SLC22A4: variants seen among roughly 807,000 people sequenced by gnomAD.
SLC22A4 encodes the protein ET transporter.
SLC22A4 carries 39 observed loss-of-function variants against 56.6 expected under a neutral mutation model. The observed-to-expected ratio is 0.69, with a 90% confidence interval of 0.53 to 0.90. SLC22A4 has a LOEUF of 0.90. Among genes scored for constraint, SLC22A4 ranks in the 40% least tolerant of loss-of-function variants. SLC22A4 has a pLI of 0.00. For synonymous variants in SLC22A4, 241 were observed against 281.4 expected, an observed-to-expected ratio of 0.86 and a Z score of 1.44; for missense variants, 594 against 696.5, an observed-to-expected ratio of 0.85 and a Z score of 1.66.
chr5:132,297,509 G>A (rs1289359638), intron 1 of SLC22A4, among the ~76,000 whole-genome samples: 4 of 152,142 alleles, frequency 2.6e-5, no homozygotes, highest in Non-Finnish European at 5.9e-5. Flanking sequence ...CCACCTGGCT[G>A]ACTCCAGGCA....
chr5:132,309,387 C>A (rs1336122856), intron 1 of SLC22A4, among the ~76,000 whole-genome samples: 1 of 152,242 alleles, frequency 6.6e-6, no homozygotes, highest in Admixed American at 6.5e-5. Flanking sequence ...GCAGATGGCA[C>A]CCCTCATGGG....
chr5:132,313,939 C>T (rs1457422403), intron 3 of SLC22A4, among the ~76,000 whole-genome samples, 171 bp downstream of exon 3: 5 of 152,010 alleles, frequency 3.3e-5, no homozygotes, highest in Admixed American at 3.3e-4. Context: ...GGCAGGCACT[C>T]GCAGGGAGCC....
chr5:132,299,389 TTTTCG>T (rs1370407588), intron 1 of SLC22A4, among the ~76,000 whole-genome samples: 6 of 124,112 alleles, frequency 4.8e-5, no homozygotes, highest in Non-Finnish European at 9.8e-5. Context: ...GTCAAATTAT[TTTTCG>T]TTTTATTTTA....
intron 3 of SLC22A4, among the ~76,000 whole-genome samples, chr5:132,316,270 C>A (rs1427617182): frequency 6.6e-6 from 1 of 152,146 alleles, no homozygotes; most frequent in African/African-American, 2.4e-5. Context: ...ACAGTCGTAG[C>A]AGACTAGAAA....
chr5:132,296,182 T>C (rs1181544146), intron 1 of SLC22A4, among the ~76,000 whole-genome samples: 3 of 152,228 alleles, frequency 2.0e-5, no homozygotes, highest in Non-Finnish European at 4.4e-5. Flanking sequence ...GATATGATTT[T>C]AGCTGATTCT....
chr5:132,328,899 A>ATG (rs1491041863), intron 5 of SLC22A4, among the ~76,000 whole-genome samples: 60 of 21,996 alleles, frequency 2.7e-3, no homozygotes, highest in East Asian at 5.9e-3. Context: ...ATATGTGTGT[A>ATG]TGTGTATATA....
intron 8 of SLC22A4, among the ~76,000 whole-genome samples, chr5:132,339,364 A>G (rs765953344): frequency 8.5e-5 from 13 of 152,106 alleles, no homozygotes; most frequent in Non-Finnish European, 1.5e-4. Flanking sequence ...GGCATGTTCA[A>G]TCTGATGTAG....
At chr5:132,335,763 A>G (rs1476615350) in intron 7 of SLC22A4, 55 bp from the exon 8 acceptor site, 18 of 1,403,948 alleles carry the variant, frequency 1.3e-5, no homozygotes, top group Non-Finnish European at 1.8e-5. Flanking sequence ...AATAACTGAT[A>G]TAAGAAAGTA....
chr5:132,309,045 A>C (rs1341840148), intron 1 of SLC22A4, among the ~76,000 whole-genome samples: 1 of 152,210 alleles, frequency 6.6e-6, no homozygotes, highest in East Asian at 1.9e-4. Flanking sequence ...TGTTAACCAC[A>C]GGGAGGTTTT....
intron 3 of SLC22A4, among the ~76,000 whole-genome samples, chr5:132,315,056 A>C (rs1476825427): frequency 2.0e-5 from 3 of 152,212 alleles, no homozygotes; most frequent in Non-Finnish European, 4.4e-5. Flanking sequence ...GTGTTGTTGG[A>C]AACTGGAGGT....
chr5:132,316,754 C>G (rs1750369747), intron 3 of SLC22A4, among the ~76,000 whole-genome samples: 1 of 152,162 alleles, frequency 6.6e-6, no homozygotes, highest in Non-Finnish European at 1.5e-5. Flanking sequence ...GAAGCTCAGG[C>G]AAATTTGAAA....
At chr5:132,322,460 G>A (rs527965713) in intron 4 of SLC22A4, 105 bp downstream of exon 4, 7 of 1,140,552 alleles carry the variant, frequency 6.1e-6, no homozygotes, top group Admixed American at 1.8e-5. Context: ...TGACCTCCAC[G>A]GAACTCGCGG....
chr5:132,337,277 T>TAA (rs1561548450), intron 8 of SLC22A4, among the ~76,000 whole-genome samples: 7 of 148,490 alleles, frequency 4.7e-5, no homozygotes, highest in African/African-American at 1.8e-4. Context: ...ACCTTTTTTT[T>TAA]TTTTTTTTTT....
intron 3 of SLC22A4, among the ~76,000 whole-genome samples, chr5:132,314,119 A>C (rs1216798402): frequency 3.3e-5 from 5 of 152,222 alleles, no homozygotes; most frequent in African/African-American, 9.6e-5. Context: ...TGAGTTGTGT[A>C]GGCTTGAGAC....
chr5:132,340,527 CCTAT>C, intron 8 of SLC22A4, 34 bp from the exon 9 acceptor site: 1 of 1,605,570 alleles, frequency 6.2e-7, no homozygotes, highest in East Asian at 2.2e-5. Flanking sequence ...AGAGAGTCCT[CCTAT>C]CTGATTGATG....
chr5:132,335,841 C>G lies in SLC22A4; in HGVS notation c.1285C>G (p.Leu429Val). The G allele has an allele frequency of 1.2e-6, 2 of 1,614,022 alleles. No homozygotes were observed. The highest frequency in any genetic ancestry group is 1.7e-6 in the Non-Finnish European group (2 of 1,179,928). ...PVDYYFLSIG[L>V]VMLGKFGITS... ...AGATTATTACTTCTTATCCATTGGTCTGGTCATGCTGGGAAAATTTGGGAT... is the reference window on the plus strand; with the variant it reads ...AGATTATTACTTCTTATCCATTGGTGTGGTCATGCTGGGAAAATTTGGGAT... Residue 429 changes from leucine to valine, a missense_variant, in exon 8 of 10, where the codon CTG (leucine) becomes GTG (valine). Transcript: ENST00000200652.
intron 5 of SLC22A4, among the ~76,000 whole-genome samples, chr5:132,328,064 A>C (rs1380969010): frequency 1.3e-5 from 2 of 152,212 alleles, no homozygotes; most frequent in African/African-American, 4.8e-5. Context: ...TAAGATTGGC[A>C]AGAGGATTAG....
At chr5:132,328,608 G>T (rs1182194188) in intron 5 of SLC22A4, among the ~76,000 whole-genome samples, 1 of 151,896 alleles carries the variant, frequency 6.6e-6, no homozygotes, top group African/African-American at 2.4e-5. Context: ...CAACAACATT[G>T]GGAGTGTCTA....
At chr5:132,325,972 C>T (rs1465890484) in intron 4 of SLC22A4, among the ~76,000 whole-genome samples, 10 of 152,240 alleles carry the variant, frequency 6.6e-5, no homozygotes, top group African/African-American at 2.4e-4. Context: ...TACCCTTTCC[C>T]TAGAAATTTC....
Sources: allele counts gnomAD v4.1 joint callset (sites outside exome capture counted in the v4.1 genomes callset), GRCh38; gene constraint gnomAD v4.1.1; transcripts MANE v1.5; gene names NCBI Gene and HGNC (gene_info 2026-07-23, HGNC 2026-07-21).